TUBE1: variants seen among roughly 807,000 people sequenced by gnomAD.
TUBE1 encodes the protein tubulin epsilon 1, also known as tubulin epsilon chain.
In TUBE1, 34 loss-of-function variants were observed where a neutral mutation model predicts 53.5. The ratio of observed to expected loss-of-function variants is 0.64; its 90% confidence interval spans 0.48 to 0.85. The LOEUF (loss-of-function observed/expected upper bound fraction) is 0.85. Among genes scored for constraint, TUBE1 ranks in the 40% least tolerant of loss-of-function variants. The pLI is 0.00. For missense variants in TUBE1, 532 were observed against 570.5 expected, an observed-to-expected ratio of 0.93 and a Z score of 0.69; for synonymous variants, 177 against 198.4, an observed-to-expected ratio of 0.89 and a Z score of 0.91.
At chr6:112,076,257 C>A in intron 7 of TUBE1, 65 bp downstream of exon 7, 2 of 1,474,636 alleles carry the variant, frequency 1.4e-6, no homozygotes, top group Non-Finnish European at 1.8e-6. Context: ...CATATAAACA[C>A]ACATACATAA....
In TUBE1 at chr6:112,075,944, G is replaced by C. The variant is rs1554315958; in HGVS notation, c.805C>G (p.Leu269Val). The change falls in exon 8 of 12, where the codon CTA (leucine) becomes GTA (valine). Residue 269 changes from leucine (L) to valine (V), a missense_variant. Physicochemically the swap from Leu to Val is conservative, Grantham distance 32. Coordinates refer to ENST00000368662, the MANE Select transcript of TUBE1 (RefSeq NM_016262.5). The part of the protein sequence containing the change: ...NNIVANLLLN[L>V]TSSARFEGSL... Reference sequence around the variant, plus strand: ...ATCCCTGGATAGAATTACCTCGTTAGGTTGAGGAGCAAATTTGCCACAATG... The same window carrying C: ...ATCCCTGGATAGAATTACCTCGTTACGTTGAGGAGCAAATTTGCCACAATG... 2 of 1,609,694 alleles carry C rather than the reference G, an allele frequency of 1.2e-6. No homozygotes were observed. The highest frequency in any genetic ancestry group is 4.5e-5 in the East Asian group (2 of 44,782).
intron 6 of TUBE1, among the ~76,000 whole-genome samples, chr6:112,079,192 T>C (rs1295023166): frequency 1.3e-5 from 2 of 151,638 alleles, no homozygotes; most frequent in African/African-American, 4.8e-5. Flanking sequence ...GGTTTGAAGA[T>C]GGTTAAAGAA....
At chr6:112,086,777 T>C (rs1777165276) in intron 2 of TUBE1, 169 bp from the exon 3 acceptor site, 1 of 543,936 alleles carries the variant, frequency 1.8e-6, no homozygotes, top group South Asian at 2.7e-5. Context: ...CTTAGAAGAG[T>C]AAATGCCAGA....
At position 112,071,886 on chromosome 6, in the gene TUBE1, G is replaced by A. The variant is rs782121517; in HGVS notation, c.1269+16C>T. On this transcript the variant is annotated intron_variant, in intron 11 of 11. Coordinates refer to ENST00000368662, the MANE Select transcript of TUBE1 (RefSeq NM_016262.5). ...CAAAATAAACACATACAGTTACAAAGCTGTACAATAATTACCTTTTTCTTG... is the reference window on the plus strand; with the variant it reads ...CAAAATAAACACATACAGTTACAAAACTGTACAATAATTACCTTTTTCTTG... 5 of 1,583,164 alleles carry A rather than the reference G, an allele frequency of 3.2e-6. No homozygotes were observed. The highest frequency in any genetic ancestry group is 4.3e-6 in the Non-Finnish European group (5 of 1,169,202).
intron 9 of TUBE1, among the ~76,000 whole-genome samples, chr6:112,074,440 A>C (rs1419010166): frequency 2.6e-5 from 4 of 152,154 alleles, no homozygotes; most frequent in African/African-American, 9.7e-5. Flanking sequence ...GACAGTTAGG[A>C]TTCAAATGTG....
intron 2 of TUBE1, 53 bp downstream of exon 2, chr6:112,087,180 G>A (rs1777176061): frequency 6.8e-6 from 10 of 1,468,296 alleles, no homozygotes; most frequent in Non-Finnish European, 8.4e-6. Context: ...TCCTGCGTAT[G>A]GGCTGGAAGA....
At chr6:112,085,484 TAA>T (rs1325040767) in intron 3 of TUBE1, 2 of 340,076 alleles carry the variant, frequency 5.9e-6, no homozygotes, top group Non-Finnish European at 1.2e-5. Context: ...TAACAAGAAG[TAA>T]AGAGGTGGGT....
chr6:112,072,198 G>A lies in TUBE1; in HGVS notation c.1095-122C>T. 6 of 662,036 alleles carry A rather than the reference G, an allele frequency of 9.1e-6. No homozygotes were observed. The South Asian group carries it at 1.5e-4, about 16-fold the overall frequency. 41.0% of individuals were successfully genotyped at this position (662,036 alleles called of 1,614,324 possible). ...TGGATGGTATCAATCTACTTGCTTA[G>A]TTTAGACGCTAAGTTATCTATTTTT... On this transcript the variant is annotated intron_variant, in intron 10 of 11. Transcript: ENST00000368662.
intron 8 of TUBE1, chr6:112,075,676 C>A: frequency 3.5e-6 from 1 of 286,006 alleles, no homozygotes; most frequent in Non-Finnish European, 6.4e-6. Flanking sequence ...ATTTTGTCTA[C>A]GTGTTTTACA....
chr6:112,075,064 CTTTCTTTTTTT>C (rs1374100897), intron 8 of TUBE1: 5 of 165,322 alleles, frequency 3.0e-5, no homozygotes, highest in African/African-American at 6.5e-5. Context: ...TTTTTTTTTT[CTTTCTTTTTTT>C]TTTTTTTTTG....
In TUBE1 at chr6:112,072,436, A is replaced by G. The variant is rs116323625; in HGVS notation, c.1094+322T>C. 5.2e-3 allele frequency among the ~76,000 whole-genome samples: 792 copies of G among 152,262 alleles called. 6 individuals are homozygous for G. Among genetic ancestry groups the G allele is most frequent in the African/African-American group, 0.018 (756 of 41,558 alleles). ...TACAAATAGAATGAAATAGTAACACAAAAATCAGAAGTAGTAGTAGTACTA... is the reference window on the plus strand; with the variant it reads ...TACAAATAGAATGAAATAGTAACACGAAAATCAGAAGTAGTAGTAGTACTA... On this transcript the variant is annotated intron_variant, in intron 10 of 11. Transcript: ENST00000368662.
chr6:112,074,610 T>TA, intron 9 of TUBE1, 100 bp downstream of exon 9: 3 of 824,120 alleles, frequency 3.6e-6, no homozygotes, highest in Non-Finnish European at 5.1e-6. Context: ...GATAAGATGA[T>TA]ACAATTAAAT....
At position 112,087,439 on chromosome 6, in the gene TUBE1, G is replaced by C. The variant is rs1562607616; in HGVS notation, c.-5C>G. Reference sequence around the variant, plus strand: ...TACGACCACCGACTGGGTCATGGTGGTGCGCCGCCGGCTCCGGGAGCTTGC... The same window carrying C: ...TACGACCACCGACTGGGTCATGGTGCTGCGCCGCCGGCTCCGGGAGCTTGC... On this transcript the variant is annotated 5_prime_UTR_variant, in exon 1 of 12. Transcript: ENST00000368662. 1.3e-6 allele frequency: 2 copies of C among 1,550,052 alleles called. No homozygotes were observed. The highest frequency in any genetic ancestry group is 1.4e-5 in the African/African-American group (1 of 73,026).
rs1228298482 is a variant in TUBE1, at chr6:112,076,593, A to T, written c.449-84T>A. 5 of 1,276,922 alleles carry T rather than the reference A, an allele frequency of 3.9e-6. No individual in the cohort carries two copies. The Admixed American group carries it at 1.3e-4, about 33-fold the overall frequency. The allele number at this position is 1,276,922 out of a possible 1,614,324, so 79.1% of individuals were successfully genotyped here. On this transcript the variant is annotated intron_variant, in intron 6 of 11. Transcript: ENST00000368662. ...AATTTGAAACTTTATTTTTTTTGAG[A>T]CAGGGTCTTGCTCTGTCACCCAGGC...
intron 3 of TUBE1, among the ~76,000 whole-genome samples, 161 bp from the exon 4 acceptor site, chr6:112,084,407 C>T (rs1444565904): frequency 6.6e-6 from 1 of 152,184 alleles, no homozygotes; most frequent in Non-Finnish European, 1.5e-5. Context: ...GCTTACCTCC[C>T]ATTAGGCTGA....
intron 10 of TUBE1, 135 bp from the exon 11 acceptor site, chr6:112,072,211 G>A (rs1776880915): frequency 1.6e-6 from 1 of 615,054 alleles, no homozygotes; most frequent in Non-Finnish European, 2.7e-6. Context: ...TAGACGCTAA[G>A]TTATCTATTT....
intron 3 of TUBE1, among the ~76,000 whole-genome samples, chr6:112,084,895 C>T (rs188251736): frequency 3.4e-4 from 52 of 152,278 alleles, no homozygotes; most frequent in Non-Finnish European, 6.5e-4. Context: ...TAAAATCTAA[C>T]GCAGTATATG....
intron 2 of TUBE1, 31 bp from the exon 3 acceptor site, chr6:112,086,639 T>G: frequency 6.7e-7 from 1 of 1,482,460 alleles, no homozygotes. Context: ...TAATAGCATT[T>G]AGGTTTTGCT....
At chr6:112,085,973 T>C (rs1238592700) in intron 3 of TUBE1, among the ~76,000 whole-genome samples, 1 of 152,224 alleles carries the variant, frequency 6.6e-6, no homozygotes, top group Non-Finnish European at 1.5e-5. Context: ...GAACTGATGT[T>C]CCTATTGGAT....
Sources: gnomAD v4.1 joint callset for allele counts (sites outside exome capture counted in the v4.1 genomes callset) on GRCh38, gnomAD v4.1.1 for gene constraint, MANE v1.5 for transcripts, NCBI Gene and HGNC (gene_info 2026-07-23, HGNC 2026-07-21) for gene names.